Variants in LRFN5 observed in about 807,000 individuals in gnomAD.
LRFN5 encodes the protein leucine-rich repeat and fibronectin type-III domain-containing protein 5.
A neutral mutation model predicts 45.6 loss-of-function variants in LRFN5; 24 were observed. That is an observed-to-expected ratio of 0.53 (90% CI 0.38 to 0.74). The LOEUF (loss-of-function observed/expected upper bound fraction) is 0.74. LRFN5 is among the 30% of genes least tolerant of loss of function. The pLI, the probability that LRFN5 is intolerant of heterozygous loss-of-function variation, is 0.00. For missense variants in LRFN5, 776 were observed against 861.5 expected, an observed-to-expected ratio of 0.90 and a Z score of 1.24; for synonymous variants, 340 against 313.8, an observed-to-expected ratio of 1.08 and a Z score of -0.88.
At chr14:41,806,862 A>G (rs1168707810) in intron 2 of LRFN5, among the ~76,000 whole-genome samples, 2 of 152,106 alleles carry the variant, frequency 1.3e-5, no homozygotes, top group Non-Finnish European at 2.9e-5. Flanking sequence ...CTCCTTTTTT[A>G]TGGAGACTAA....
chr14:41,830,734 G>A (rs1026035013), intron 2 of LRFN5, among the ~76,000 whole-genome samples: 1 of 152,120 alleles, frequency 6.6e-6, no homozygotes, highest in Non-Finnish European at 1.5e-5. Flanking sequence ...AACCATAAAG[G>A]GAAGTTGATA....
At chr14:41,865,135 T>C (rs1889794832) in intron 2 of LRFN5, among the ~76,000 whole-genome samples, 1 of 152,182 alleles carries the variant, frequency 6.6e-6, no homozygotes, top group East Asian at 1.9e-4. Context: ...TAGTGTTTTT[T>C]AGTGTATTTA....
At chr14:41,663,326 G>T (rs945850461) in intron 1 of LRFN5, among the ~76,000 whole-genome samples, 3 of 152,028 alleles carry the variant, frequency 2.0e-5, no homozygotes, top group African/African-American at 7.2e-5. Context: ...TTTGATGTCA[G>T]TAGATTGGTG....
chr14:41,782,422 C>T (rs778248585), intron 2 of LRFN5, among the ~76,000 whole-genome samples: 15 of 152,072 alleles, frequency 9.9e-5, no homozygotes, highest in Non-Finnish European at 1.8e-4. Flanking sequence ...CTTACATTGT[C>T]ATCTGCTCTT....
In LRFN5 at chr14:41,816,784, G is replaced by A. The variant is rs1049948394; in HGVS notation, c.-21+49755G>A. On this transcript the variant is annotated intron_variant, in intron 2 of 5. Coordinates refer to ENST00000298119, the MANE Select transcript of LRFN5 (RefSeq NM_152447.5). ...ATATGTACTGCTTGGTTTTTTCTGA[G>A]CTTCCTGGATCTGTGATTTGGTGTC... Among the ~76,000 whole-genome samples the A allele has an allele frequency of 2.1e-4, 32 of 151,884 alleles. 1 individual carries two copies. The highest frequency in any genetic ancestry group is 1.9e-4 in the East Asian group (1 of 5,178).
intron 1 of LRFN5, among the ~76,000 whole-genome samples, chr14:41,748,215 T>C (rs1461683713): frequency 6.6e-6 from 1 of 152,040 alleles, no homozygotes; most frequent in Non-Finnish European, 1.5e-5. Flanking sequence ...AAAAATGTAT[T>C]TGTATATCCA....
At chr14:41,699,022 A>G (rs1882728722) in intron 1 of LRFN5, among the ~76,000 whole-genome samples, 1 of 152,046 alleles carries the variant, frequency 6.6e-6, no homozygotes, top group South Asian at 2.1e-4. Flanking sequence ...TAAATTTATG[A>G]GAGTGTAAGT....
At chr14:41,650,803 T>A (rs981383150) in intron 1 of LRFN5, among the ~76,000 whole-genome samples, 1 of 151,214 alleles carries the variant, frequency 6.6e-6, no homozygotes, top group Non-Finnish European at 1.5e-5. Context: ...ACCAACATGT[T>A]CACTAATATG....
rs1424406386 is a variant in LRFN5 at position 41,887,998 on chromosome 14, C to T, written c.1373C>T (p.Thr458Ile). 1.9e-6 allele frequency: 3 copies of T among 1,592,570 alleles called. No homozygotes were observed. The highest frequency in any genetic ancestry group is 3.5e-5 in the Admixed American group (2 of 56,896). ...QIQYNGTYDD[T>I]LVYRMIPPTS... is the part of the protein sequence containing the mutation. The stretch of plus-strand genomic sequence containing the variant: ...CAGTACAATGGTACTTATGATGACA[C>T]CCTTGTTTACAGGTAAGAAAAATTG... Residue 458 changes from threonine (T) to isoleucine (I), a missense_variant, in exon 3 of 6, where the codon ACC (threonine) becomes ATC (isoleucine). Coordinates refer to ENST00000298119, the MANE Select transcript of LRFN5 (RefSeq NM_152447.5). The surrounding 1 kb of genome is among the most constrained non-coding windows in gnomAD (Gnocchi z 4.8).
chr14:41,835,288 G>A (rs1447588983), intron 2 of LRFN5, among the ~76,000 whole-genome samples: 2 of 152,164 alleles, frequency 1.3e-5, no homozygotes, highest in Non-Finnish European at 2.9e-5. Context: ...GCTTACTGCT[G>A]TATTTCACTG....
At chr14:41,756,016 C>A (rs960259207) in intron 1 of LRFN5, among the ~76,000 whole-genome samples, 12 of 152,168 alleles carry the variant, frequency 7.9e-5, no homozygotes, top group Admixed American at 5.2e-4. Flanking sequence ...ATTTCTCCTT[C>A]ACTTATGAAG....
At chr14:41,757,547 C>T (rs1386160152) in intron 1 of LRFN5, among the ~76,000 whole-genome samples, 1 of 152,178 alleles carries the variant, frequency 6.6e-6, no homozygotes, top group African/African-American at 2.4e-5. Flanking sequence ...GGCGTAGGAC[C>T]CTCCGAGCCA....
chr14:41,689,170 ATAACTTAAATTTATTCCT>A (rs1005386602), intron 1 of LRFN5, among the ~76,000 whole-genome samples: 1 of 152,082 alleles, frequency 6.6e-6, no homozygotes, highest in Non-Finnish European at 1.5e-5. Context: ...TCTCCAATCA[ATAACTTAAATTTATTCCT>A]TAAGGAGCTA....
At chr14:41,798,123 C>T (rs148549420) in intron 2 of LRFN5, among the ~76,000 whole-genome samples, 45 of 151,990 alleles carry the variant, frequency 3.0e-4, no homozygotes, top group African/African-American at 1.1e-3. Flanking sequence ...CCCTTCATTA[C>T]TCACCTTGTT....
chr14:41,727,538 A>G (rs1883990237), intron 1 of LRFN5, among the ~76,000 whole-genome samples: 1 of 152,120 alleles, frequency 6.6e-6, no homozygotes, highest in Non-Finnish European at 1.5e-5. Flanking sequence ...AGCAGGGAGG[A>G]TTGCTTGAGC....
intron 2 of LRFN5, among the ~76,000 whole-genome samples, chr14:41,780,954 C>A (rs977718896): frequency 6.6e-6 from 1 of 152,050 alleles, no homozygotes; most frequent in Non-Finnish European, 1.5e-5. Flanking sequence ...CAGAATGTTG[C>A]CAATTTCTTT....
At chr14:41,793,711 A>T (rs1887018536) in intron 2 of LRFN5, among the ~76,000 whole-genome samples, 1 of 151,358 alleles carries the variant, frequency 6.6e-6, no homozygotes, top group African/African-American at 2.4e-5. Flanking sequence ...AAAAAAAAAA[A>T]TAGAACTAAA....
chr14:41,740,650 G>T (rs528537523), intron 1 of LRFN5, among the ~76,000 whole-genome samples: 2 of 151,812 alleles, frequency 1.3e-5, no homozygotes, highest in African/African-American at 2.4e-5. Flanking sequence ...AAATAGAAAA[G>T]GATGCTCACT....
intron 2 of LRFN5, among the ~76,000 whole-genome samples, chr14:41,809,662 T>A (rs1887672737): frequency 6.6e-6 from 1 of 151,696 alleles, no homozygotes; most frequent in African/African-American, 2.4e-5. Flanking sequence ...TGTTTATGTA[T>A]TTTTGTATCA....
Sources: gnomAD v4.1 joint callset for allele counts (sites outside exome capture counted in the v4.1 genomes callset) on GRCh38, gnomAD v4.1.1 for gene constraint, Gnocchi (gnomAD v3.1) non-coding constraint, MANE v1.5 for transcripts, NCBI Gene and HGNC (gene_info 2026-07-23, HGNC 2026-07-21) for gene names.